Variants in COL5A3 observed in about 807,000 individuals in gnomAD.
COL5A3 encodes the protein collagen alpha-3(V) chain.
COL5A3 carries 172 observed loss-of-function variants against 250.0 expected under a neutral mutation model. The observed-to-expected ratio is 0.69, with a 90% CI of 0.61 to 0.78. The LOEUF is 0.78. Ranked by LOEUF, COL5A3 falls within the 30% of genes least tolerant of loss-of-function variation. COL5A3 has a pLI of 0.00. For synonymous variants in COL5A3, 937 were observed against 900.4 expected (o/e 1.04, Z -0.73); for missense variants, 2,340 against 2,334.4 (o/e 1.00, Z -0.05).
At chr19:9,998,267 C>A in intron 8 of COL5A3, 118 bp from the exon 9 acceptor site, 7 of 1,001,512 alleles carry the variant, frequency 7.0e-6, no homozygotes, top group Non-Finnish European at 8.8e-6. Context: ...CGGAGTCCAC[C>A]CTCAGAGCCC....
chr19:9,966,198 G>A (rs556577961), intron 64 of COL5A3, 116 bp downstream of exon 64: 2 of 796,220 alleles, frequency 2.5e-6, no homozygotes, highest in African/African-American at 1.7e-5. Context: ...CATACAGTAA[G>A]TGCTCAATAA....
chr19:9,975,327 G>C (rs553124888), intron 45 of COL5A3, among the ~76,000 whole-genome samples: 1 of 151,978 alleles, frequency 6.6e-6, no homozygotes, highest in African/African-American at 2.4e-5. Flanking sequence ...TGATCCACCC[G>C]CCTTGGCCTC....
intron 64 of COL5A3, among the ~76,000 whole-genome samples, chr19:9,963,580 A>AG (rs1414727708): frequency 1.4e-5 from 1 of 73,254 alleles, no homozygotes; most frequent in Non-Finnish European, 2.6e-5. Flanking sequence ...GGGCGGGTGG[A>AG]GGGGGTCTTT....
rs758281459 is a variant in COL5A3, at chr19:9,974,206, C to G, written c.3469G>C (p.Gly1157Arg). ...ACGTCTCCGACCTCCCCTTTCTCTC[C>G]CGGAGGGCCTGGCAGCCCCTGTGGA... ...PGLQGLPGPP[G>R]EKGEVGDVGS... Residue 1157 changes from glycine (G) to arginine (R), a missense_variant, in exon 47 of 67, where the codon GGA becomes CGA. Coordinates refer to ENST00000264828, the MANE Select transcript of COL5A3 (RefSeq NM_015719.4). 1 of 1,613,864 alleles carries G rather than the reference C, an allele frequency of 6.2e-7. No homozygotes were observed. The highest frequency in any genetic ancestry group is 1.3e-5 in the African/African-American group (1 of 74,884).
At position 10,005,931 on chromosome 19, in the gene COL5A3, G is replaced by T. The variant is rs2087436442; in HGVS notation, c.302C>A (p.Ala101Asp). The T allele has an allele frequency of 1.2e-6, 2 of 1,613,960 alleles. No individual in the cohort carries two copies. The highest frequency in any genetic ancestry group is 1.3e-5 in the African/African-American group (1 of 74,922). The change falls in exon 3 of 67, where the codon GCC (alanine) becomes GAC (aspartate). Residue 101 changes from alanine to aspartate, a missense_variant. Transcript: ENST00000264828. ...AATGGACAGCAGGACAGACTGATTG[G>T]CTGGCTGTCCCCGCAAGGTGATCAG... ...SLLITLRGQP[A>D]NQSVLLSIYD...
At chr19:9,992,685 G>T in intron 21 of COL5A3, 142 bp downstream of exon 21, 1 of 769,582 alleles carries the variant, frequency 1.3e-6, no homozygotes, top group South Asian at 1.7e-5. Context: ...GCTGAAGCAT[G>T]AGAATCACCT....
chr19:9,985,834 C>G lies in COL5A3; in HGVS notation c.2406+8G>C. The G allele has an allele frequency of 6.2e-7, 1 of 1,612,492 alleles. No homozygotes were observed. Among genetic ancestry groups the G allele is most frequent in the Non-Finnish European group, 8.5e-7 (1 of 1,178,832 alleles). ...ATCCATCTCCACCCCCCACCCCCAG[C>G]TTCCTACCTTAGGTCCAGGGCGTCC... is the stretch of plus-strand genomic sequence containing the variant. On this transcript the variant is annotated splice_region_variant and intron_variant, in intron 31 of 66. Coordinates refer to ENST00000264828, the MANE Select transcript of COL5A3 (RefSeq NM_015719.4).
Position 9,966,636 on chromosome 19 carries a change from C to G in COL5A3, c.4569G>C (p.Leu1523=), listed in dbSNP as rs773563954. ...GCCGCAGCTGCTCCAGCTCCAAGCTCAGCGATGTGAGCGAGGCCAGCACCT... is the reference window on the plus strand; with the variant it reads ...GCCGCAGCTGCTCCAGCTCCAAGCTGAGCGATGTGAGCGAGGCCAGCACCT... ...LEEVLASLTS[L]SLELEQLRRP... The change falls in exon 63 of 67, where the codon CTG becomes CTC. Residue 1523 remains leucine, a synonymous_variant. Coordinates refer to ENST00000264828, the MANE Select transcript of COL5A3 (RefSeq NM_015719.4). 4 of 1,538,492 alleles carry G rather than the reference C, an allele frequency of 2.6e-6. No individual in the cohort carries two copies. The highest frequency in any genetic ancestry group is 2.6e-6 in the Non-Finnish European group (3 of 1,147,082).
intron 49 of COL5A3, 31 bp from the exon 50 acceptor site, chr19:9,973,654 G>A: frequency 6.2e-7 from 1 of 1,611,610 alleles, no homozygotes; most frequent in Non-Finnish European, 8.5e-7. Flanking sequence ...GTGGGGAGAG[G>A]TCCCATCCTA....
rs376188905 is a variant in COL5A3 at position 9,998,042 on chromosome 19, G to A, written c.1159-17C>T. 4.3e-6 allele frequency: 7 copies of A among 1,613,936 alleles called. No homozygotes were observed. The African/African-American group carries it at 9.3e-5, about 22-fold the overall frequency. ...CTGCTGCCCCTGAAGGGAGAAGTGA[G>A]TGTCGGTGACCGCTGTCATCATGAA... On this transcript the variant is annotated splice_polypyrimidine_tract_variant and intron_variant, in intron 9 of 66. Transcript: ENST00000264828.
chr19:9,984,886 G>T (rs2087074506), intron 31 of COL5A3, among the ~76,000 whole-genome samples: 2 of 151,292 alleles, frequency 1.3e-5, no homozygotes, highest in Admixed American at 1.3e-4. Flanking sequence ...AATCTCCTTG[G>T]GCTCAGGTGA....
intron 8 of COL5A3, among the ~76,000 whole-genome samples, chr19:9,999,771 C>CTCTTT (rs2087331198): frequency 6.6e-6 from 1 of 152,016 alleles, no homozygotes; most frequent in Admixed American, 6.5e-5. Context: ...TGGCCCAAGC[C>CTCTTT]TCTTTTCTTT....
chr19:10,005,626 G>A lies in COL5A3; in HGVS notation c.526C>T (p.Pro176Ser). ...EAQPPVLGHG[P>S]RFISIAGLTV... ...AGTCCAGCTATGCTGATGAAGCGGGGGCCATGGCCCAAAACAGGGGGCTGA... is the reference window on the plus strand; with the variant it reads ...AGTCCAGCTATGCTGATGAAGCGGGAGCCATGGCCCAAAACAGGGGGCTGA... Residue 176 changes from proline (P) to serine (S), a missense_variant, in exon 4 of 67, where the codon CCC (proline) becomes TCC (serine). By Grantham distance (74) the Pro-to-Ser change is moderately conservative. Coordinates refer to ENST00000264828, the MANE Select transcript of COL5A3 (RefSeq NM_015719.4). 1 of 1,614,130 alleles carries A rather than the reference G, an allele frequency of 6.2e-7. No homozygotes were observed. Among genetic ancestry groups the A allele is most frequent in the South Asian group, 1.1e-5 (1 of 91,082 alleles).
At chr19:10,000,251 A>T (rs910483467) in intron 8 of COL5A3, among the ~76,000 whole-genome samples, 4 of 151,934 alleles carry the variant, frequency 2.6e-5, no homozygotes, top group Non-Finnish European at 5.9e-5. Context: ...TCAAACATCA[A>T]GCCACCGAGC....
chr19:9,980,071 A>G (rs1568416087), intron 35 of COL5A3, 24 bp from the exon 36 acceptor site: 2 of 1,590,680 alleles, frequency 1.3e-6, no homozygotes, highest in Non-Finnish European at 1.7e-6. Flanking sequence ...AGAAATCATG[A>G]TCTCATCCCC....
In COL5A3 at chr19:9,969,435, AC is replaced by A. The variant is rs543834227; in HGVS notation, c.4099-34del. The A allele has an allele frequency of 7.6e-5, 122 of 1,604,238 alleles. 1 individual carries two copies. In the South Asian group the frequency reaches 1.3e-3, roughly 17 times the overall value. ...TGGAACAGAACATGGGGTGGGCTGCACCCTGTCAGAACACAGTGTGGACCCC... is the reference window on the plus strand; with the variant it reads ...TGGAACAGAACATGGGGTGGGCTGCACCTGTCAGAACACAGTGTGGACCCC... On this transcript the variant is annotated intron_variant, in intron 56 of 66. Transcript: ENST00000264828.
Position 9,973,911 on chromosome 19 carries a change from G to A in COL5A3, c.3558+8C>T. 6.3e-7 allele frequency: 1 copy of A among 1,583,302 alleles called. No individual in the cohort carries two copies. The highest frequency in any genetic ancestry group is 8.6e-7 in the Non-Finnish European group (1 of 1,162,136). ...TCTGAGCCTTCCTGGCCCCCCAAGA[G>A]TTCTCACCTCTGATCCAGTGGGGCC... On this transcript the variant is annotated splice_region_variant and intron_variant, in intron 48 of 66. Coordinates refer to ENST00000264828, the MANE Select transcript of COL5A3 (RefSeq NM_015719.4).
At position 10,006,249 on chromosome 19, in the gene COL5A3, C is replaced by CG. The variant is rs1568434443; in HGVS notation, c.89-19dup. ...CACAGGATCTGCAGCAGAGAGAAGC[C>CG]GGGGGTGTCAGGCAGAGGTGGGGAA... On this transcript the variant is annotated intron_variant, in intron 1 of 66. Transcript: ENST00000264828. 2 of 1,578,376 alleles carry CG rather than the reference C, an allele frequency of 1.3e-6. No homozygotes were observed. The highest frequency in any genetic ancestry group is 1.7e-6 in the Non-Finnish European group (2 of 1,162,240).
intron 31 of COL5A3, among the ~76,000 whole-genome samples, chr19:9,983,710 G>GAAGGA (rs1346534414): frequency 6.7e-6 from 1 of 149,512 alleles, no homozygotes; most frequent in Non-Finnish European, 1.5e-5. Flanking sequence ...AGAGAAAAAA[G>GAAGGA]AAGGAAAAGA....
Sources: gnomAD v4.1 joint callset for allele counts (sites outside exome capture counted in the v4.1 genomes callset) on GRCh38, gnomAD v4.1.1 for gene constraint, MANE v1.5 for transcripts, NCBI Gene and HGNC (gene_info 2026-07-23, HGNC 2026-07-21) for gene names.